Variants in WDR76 observed in about 807,000 individuals in gnomAD.
WDR76 encodes the protein WD repeat-containing protein 76.
Under a neutral mutation model 70.2 loss-of-function variants are expected in WDR76, and 52 were observed. The ratio of observed to expected loss-of-function variants is 0.74; its 90% confidence interval spans 0.59 to 0.93. The LOEUF is 0.93. Ranked by LOEUF, WDR76 falls within the 40% of genes least tolerant of loss-of-function variation. WDR76 has a pLI of 0.00. For synonymous variants in WDR76, 292 were observed against 271.1 expected (o/e 1.08, Z -0.76); for missense variants, 756 against 760.2 (o/e 0.99, Z 0.07).
At chr15:43,845,182 C>T (rs2087773505) in intron 8 of WDR76, among the ~76,000 whole-genome samples, 1 of 148,990 alleles carries the variant, frequency 6.7e-6, no homozygotes, top group South Asian at 2.1e-4. Flanking sequence ...ATCTCCTGAC[C>T]TCGTGATCTG....
At chr15:43,847,667 C>G (rs934634071) in intron 8 of WDR76, among the ~76,000 whole-genome samples, 7 of 152,040 alleles carry the variant, frequency 4.6e-5, no homozygotes, top group Non-Finnish European at 1.0e-4. Flanking sequence ...GTAATCCACC[C>G]GCCTCGGCCT....
intron 5 of WDR76, among the ~76,000 whole-genome samples, chr15:43,840,852 G>A (rs1276318041): frequency 3.3e-5 from 5 of 152,006 alleles, no homozygotes; most frequent in Non-Finnish European, 7.4e-5. Flanking sequence ...GTGGTGGCAT[G>A]TGCCTGTAGT....
Position 43,839,696 on chromosome 15 carries a change from C to T in WDR76, c.700C>T (p.Pro234Ser). The T allele has an allele frequency of 6.2e-7, 1 of 1,610,864 alleles. No individual in the cohort carries two copies. Among genetic ancestry groups the T allele is most frequent in the Non-Finnish European group, 8.5e-7 (1 of 1,178,040 alleles). ...TTCGGGAGTTTCATTACCAGCAGCT[C>T]CAACACCGCCGACATTAGTAGCAGA... ...DPSGVSLPAAPTPPTLVADET... is the reference protein window; with the variant it reads ...DPSGVSLPAASTPPTLVADET... Residue 234 changes from proline to serine, a missense_variant, in exon 5 of 13, where the codon CCA (proline) becomes TCA (serine). Pro to Ser is a moderately conservative substitution (Grantham distance 74). Transcript: ENST00000263795.
At position 43,858,695 on chromosome 15, in the gene WDR76, G is replaced by A. The variant is rs1428453399; in HGVS notation, c.1434G>A (p.Arg478=). Reference sequence around the variant, plus strand: ...GGGATACTCATATTTATGATGCAAGGCGATTGAATTCCAGGAGAAGTCAGC... The same window carrying A: ...GGGATACTCATATTTATGATGCAAGACGATTGAATTCCAGGAGAAGTCAGC... ...GLRDTHIYDA[R]RLNSRRSQPL... The change falls in exon 11 of 13, where the codon AGG becomes AGA. Residue 478 remains arginine, a synonymous_variant. Transcript: ENST00000263795. 6.2e-7 allele frequency: 1 copy of A among 1,614,028 alleles called. No homozygotes were observed. Among genetic ancestry groups the A allele is most frequent in the Admixed American group, 1.7e-5 (1 of 59,972 alleles).
chr15:43,854,441 C>T (rs531513241), intron 9 of WDR76, among the ~76,000 whole-genome samples: 79 of 151,830 alleles, frequency 5.2e-4, no homozygotes, highest in Middle Eastern at 3.4e-3. Flanking sequence ...TGGTAGCATG[C>T]GCCTGTGGTC....
In WDR76 at chr15:43,866,500, T is replaced by A; in HGVS notation, c.*108T>A. 7.9e-7 allele frequency: 1 copy of A among 1,267,686 alleles called. No individual in the cohort carries two copies. Among genetic ancestry groups the A allele is most frequent in the Non-Finnish European group, 1.1e-6 (1 of 906,660 alleles). The allele number at this position is 1,267,686 out of a possible 1,614,324, so 78.5% of individuals were successfully genotyped here. On this transcript the variant is annotated 3_prime_UTR_variant, in exon 13 of 13. Transcript: ENST00000263795. ...GTGGTAATGTGTTACATTTAGCAAT[T>A]ATAACATTGTTTTATTAATAAGACT...
intron 2 of WDR76, among the ~76,000 whole-genome samples, chr15:43,832,331 T>G (rs1379360881): frequency 6.6e-6 from 1 of 152,064 alleles, no homozygotes; most frequent in Non-Finnish European, 1.5e-5. Flanking sequence ...CTGCAGTAAG[T>G]TATAATCAAG....
chr15:43,831,177 G>A (rs993216536), intron 2 of WDR76, among the ~76,000 whole-genome samples: 1 of 152,062 alleles, frequency 6.6e-6, no homozygotes, highest in African/African-American at 2.4e-5. Context: ...GTTGCAGTGA[G>A]CTGAGATCAG....
At chr15:43,848,575 A>G (rs1384938640) in intron 8 of WDR76, among the ~76,000 whole-genome samples, 1 of 152,194 alleles carries the variant, frequency 6.6e-6, no homozygotes, top group Non-Finnish European at 1.5e-5. Context: ...CTTCAAAGGA[A>G]GTTTTCTTGG....
chr15:43,861,540 G>T (rs865854596), intron 12 of WDR76, among the ~76,000 whole-genome samples, 154 bp downstream of exon 12: 1 of 152,326 alleles, frequency 6.6e-6, no homozygotes, highest in Middle Eastern at 3.4e-3. Flanking sequence ...TTCCTATCCA[G>T]AAGGGTTCTT....
intron 11 of WDR76, among the ~76,000 whole-genome samples, chr15:43,860,311 A>G (rs1252624042): frequency 1.3e-5 from 2 of 152,216 alleles, no homozygotes; most frequent in Admixed American, 1.3e-4. Flanking sequence ...TGACACTATC[A>G]GGCCTTCAGC....
intron 12 of WDR76, among the ~76,000 whole-genome samples, chr15:43,863,349 A>G (rs1196611896): frequency 2.6e-5 from 4 of 152,180 alleles, no homozygotes; most frequent in African/African-American, 9.6e-5. Context: ...GTATTACCTC[A>G]CGTACTTACC....
At chr15:43,849,231 A>G (rs184042083) in intron 8 of WDR76, among the ~76,000 whole-genome samples, 40 of 151,872 alleles carry the variant, frequency 2.6e-4, no homozygotes, top group African/African-American at 9.6e-4. Flanking sequence ...TCTCAAATCA[A>G]TATAAATTAT....
chr15:43,842,743 T>C, intron 7 of WDR76, 72 bp downstream of exon 7: 1 of 1,394,446 alleles, frequency 7.2e-7, no homozygotes. Flanking sequence ...TACGCCATTT[T>C]AGGGAATTTT....
intron 1 of WDR76, 104 bp from the exon 2 acceptor site, chr15:43,827,861 T>G (rs1349137670): frequency 2.4e-6 from 3 of 1,273,646 alleles, no homozygotes; most frequent in Non-Finnish European, 3.2e-6. Flanking sequence ...TGGATTTATA[T>G]TGTCTTTGGG....
chr15:43,839,664 T>A lies in WDR76; in HGVS notation c.668T>A (p.Val223Asp). The change falls in exon 5 of 13, where the codon GTT becomes GAT. Residue 223 changes from valine (V) to aspartate (D), a missense_variant. Coordinates refer to ENST00000263795, the MANE Select transcript of WDR76 (RefSeq NM_024908.4). ...GCRRSMRLLKVDPSGVSLPAA... is the reference protein window; with the variant it reads ...GCRRSMRLLKDDPSGVSLPAA... ...AGAAGGTCAATGCGATTACTAAAAGTTGATCCTTCGGGAGTTTCATTACCA... is the reference window on the plus strand; with the variant it reads ...AGAAGGTCAATGCGATTACTAAAAGATGATCCTTCGGGAGTTTCATTACCA... 1 of 1,612,774 alleles carries A rather than the reference T, an allele frequency of 6.2e-7. No homozygotes were observed. Among genetic ancestry groups the A allele is most frequent in the Non-Finnish European group, 8.5e-7 (1 of 1,179,168 alleles).
chr15:43,839,565 G>T (rs1471214490), intron 4 of WDR76, 40 bp from the exon 5 acceptor site: 1 of 1,572,036 alleles, frequency 6.4e-7, no homozygotes, highest in Non-Finnish European at 8.6e-7. Context: ...ACATTTTATT[G>T]TTTTGTGAGT....
intron 2 of WDR76, among the ~76,000 whole-genome samples, chr15:43,831,293 G>T (rs2087585122): frequency 6.6e-6 from 1 of 151,876 alleles, no homozygotes; most frequent in African/African-American, 2.4e-5. Flanking sequence ...CACCTTGCCA[G>T]GCTAATTTTG....
intron 8 of WDR76, among the ~76,000 whole-genome samples, chr15:43,850,264 AT>A (rs887345629): frequency 2.7e-5 from 4 of 148,604 alleles, no homozygotes; most frequent in Non-Finnish European, 5.9e-5. Flanking sequence ...TTATGGTGTT[AT>A]TTTTTTATTT....
Sources: gnomAD v4.1 joint callset for allele counts (sites outside exome capture counted in the v4.1 genomes callset) on GRCh38, gnomAD v4.1.1 for gene constraint, MANE v1.5 for transcripts, NCBI Gene and HGNC (gene_info 2026-07-23, HGNC 2026-07-21) for gene names.